The following OTUD7B variants were observed in gnomAD, a reference collection of about 807,000 sequenced individuals.
OTUD7B encodes OTU deubiquitinase 7B.
OTUD7B carries 34 observed loss-of-function variants against 82.2 expected under a neutral mutation model. The observed-to-expected ratio is 0.41, with a 90% CI of 0.31 to 0.55. OTUD7B has a LOEUF of 0.55. Ranked by LOEUF, OTUD7B falls within the 20% of genes least tolerant of loss-of-function variation. The pLI is 0.20. For missense variants in OTUD7B, 944 were observed against 1,062.1 expected, an observed-to-expected ratio of 0.89 and a Z score of 1.55; for synonymous variants, 398 against 402.7, an observed-to-expected ratio of 0.99 and a Z score of 0.14.
the OTUD7B span, among the ~76,000 whole-genome samples, chr1:150,037,218 A>C: frequency 6.0e-5 from 9 of 150,076 alleles, no homozygotes; most frequent in East Asian, 1.2e-3. Context: ...GAGAGATCAC[A>C]AAATGTTCAA....
the OTUD7B span, among the ~76,000 whole-genome samples, chr1:150,062,708 C>CTTTTTT: frequency 4.0e-3 from 388 of 95,964 alleles, 2 homozygotes; most frequent in Non-Finnish European, 5.0e-3. Flanking sequence ...CTTCTTCTTT[C>CTTTTTT]TTTTTTTTTT....
intron 7 of OTUD7B, among the ~76,000 whole-genome samples, chr1:149,957,907 T>TAGGCAGTATTAGG (rs1205379571): frequency 4.6e-5 from 7 of 152,228 alleles, no homozygotes; most frequent in African/African-American, 7.2e-5. Context: ...AGGGTGGGAA[T>TAGGCAGTATTAGG]GTCCCGATTT....
At chr1:150,056,232 C>G in the OTUD7B span, among the ~76,000 whole-genome samples, 1 of 151,986 alleles carries the variant, frequency 6.6e-6, no homozygotes, top group Non-Finnish European at 1.5e-5. Flanking sequence ...TATCTAACAC[C>G]AAGAGCAGCC....
chr1:150,000,502 C>A (rs938608314), intron 1 of OTUD7B, among the ~76,000 whole-genome samples: 4 of 149,986 alleles, frequency 2.7e-5, no homozygotes, highest in African/African-American at 4.9e-5. Context: ...AACAAACAAA[C>A]AAAAAAACAG....
intron 7 of OTUD7B, among the ~76,000 whole-genome samples, chr1:149,957,029 T>C (rs1485758374): frequency 6.6e-6 from 1 of 152,232 alleles, no homozygotes; most frequent in South Asian, 2.1e-4. Flanking sequence ...TGAAGCCTTC[T>C]TCTCTCAACT....
Position 149,944,770 on chromosome 1 carries a change from C to G in OTUD7B, c.1619G>C (p.Gly540Ala). The G allele has an allele frequency of 6.2e-7, 1 of 1,614,140 alleles. No homozygotes were observed. Among genetic ancestry groups the G allele is most frequent in the Non-Finnish European group, 8.5e-7 (1 of 1,180,042 alleles). Residue 540 changes from glycine (G) to alanine (A), a missense_variant, in exon 12 of 12, where the codon GGA (glycine) becomes GCA (alanine). By Grantham distance (60) the Gly-to-Ala change is moderately conservative (BLOSUM62 0). This residue lies in a region of OTUD7B where 412 missense variants were observed against 418.7 expected (regional missense o/e 0.98). Coordinates refer to ENST00000581312, the MANE Select transcript of OTUD7B (RefSeq NM_020205.4). ...SKPGGVGTGL[G>A]GSSGTETLEK... Reference sequence around the variant, plus strand: ...CAGTGTCTCAGTGCCGCTGCTTCCTCCCAACCCTGTCCCCACCCCTCCAGG... The same window carrying G: ...CAGTGTCTCAGTGCCGCTGCTTCCTGCCAACCCTGTCCCCACCCCTCCAGG...
At chr1:150,063,484 G>T in the OTUD7B span, among the ~76,000 whole-genome samples, 23 of 152,262 alleles carry the variant, frequency 1.5e-4, no homozygotes, top group Admixed American at 5.2e-4. Context: ...CTGTGGAGTG[G>T]TTGCAATACA....
At chr1:149,970,189 G>C (rs1412090095) in intron 3 of OTUD7B, among the ~76,000 whole-genome samples, 1 of 146,816 alleles carries the variant, frequency 6.8e-6, no homozygotes, top group Non-Finnish European at 1.5e-5. Flanking sequence ...CAGCACTTTG[G>C]GGGGCCAAGT....
Position 149,945,020 on chromosome 1 carries a change from C to T in OTUD7B, c.1369G>A (p.Glu457Lys). ...PESPTASAGD[E>K]PRSTPESGDS... ...CCAGACTCAGGAGTGGACCGGGGCT[C>T]ATCTCCAGCTGAGGCGGTGGGGGAC... Residue 457 changes from glutamate to lysine, a missense_variant, in exon 12 of 12, where the codon GAG becomes AAG. Coordinates refer to ENST00000581312, the MANE Select transcript of OTUD7B (RefSeq NM_020205.4). 6.2e-7 allele frequency: 1 copy of T among 1,614,152 alleles called. No individual in the cohort carries two copies. Among genetic ancestry groups the T allele is most frequent in the Non-Finnish European group, 8.5e-7 (1 of 1,180,036 alleles).
the OTUD7B span, among the ~76,000 whole-genome samples, chr1:150,023,364 A>G: frequency 6.6e-6 from 1 of 152,244 alleles, no homozygotes; most frequent in Non-Finnish European, 1.5e-5. Context: ...CATTATTCAC[A>G]ATAGCCAAGA....
intron 7 of OTUD7B, among the ~76,000 whole-genome samples, chr1:149,951,150 T>C (rs1648215486): frequency 6.6e-6 from 1 of 151,840 alleles, no homozygotes; most frequent in Non-Finnish European, 1.5e-5. Context: ...GCCTGGCTAA[T>C]TTTTTTGTAT....
chr1:150,014,035 CGT>C (rs1162802612), upstream of OTUD7B, among the ~76,000 whole-genome samples: 7 of 102,528 alleles, frequency 6.8e-5, no homozygotes, highest in East Asian at 1.8e-3. Context: ...CGTATATATA[CGT>C]ATATATGTGT....
At chr1:150,061,215 A>G in the OTUD7B span, among the ~76,000 whole-genome samples, 2 of 152,076 alleles carry the variant, frequency 1.3e-5, no homozygotes, top group African/African-American at 4.8e-5. Context: ...TCATACACCT[A>G]TCTATAGGTT....
the OTUD7B span, among the ~76,000 whole-genome samples, chr1:150,032,696 G>A: frequency 3.7e-5 from 3 of 80,008 alleles, no homozygotes; most frequent in Non-Finnish European, 1.0e-4. Context: ...GAAGAAGAAG[G>A]AGGAGGAGGA....
At chr1:150,008,589 T>A (rs782342017) in intron 1 of OTUD7B, among the ~76,000 whole-genome samples, 17 of 152,202 alleles carry the variant, frequency 1.1e-4, no homozygotes, top group Non-Finnish European at 1.3e-4. Flanking sequence ...TCTTCAGTAT[T>A]AAAAGCAAGG....
intron 1 of OTUD7B, among the ~76,000 whole-genome samples, chr1:150,002,133 A>G (rs1652333100): frequency 6.6e-6 from 1 of 152,216 alleles, no homozygotes; most frequent in South Asian, 2.1e-4. Context: ...ATGTCCATCA[A>G]ATTTGGGATG....
At chr1:149,977,372 G>A (rs1280220186) in intron 2 of OTUD7B, 54 bp downstream of exon 2, 1 of 1,291,946 alleles carries the variant, frequency 7.7e-7, no homozygotes, top group Non-Finnish European at 1.1e-6. Context: ...TCATCCTAAT[G>A]ATAAATACCA....
intron 5 of OTUD7B, among the ~76,000 whole-genome samples, chr1:149,964,718 C>T (rs1025149378): frequency 3.3e-5 from 5 of 151,600 alleles, no homozygotes; most frequent in South Asian, 2.1e-4. Context: ...TTCAGCCTCC[C>T]GAGTAGCTAG....
intron 1 of OTUD7B, among the ~76,000 whole-genome samples, chr1:150,005,568 G>T (rs1652605013): frequency 6.6e-6 from 1 of 152,000 alleles, no homozygotes; most frequent in African/African-American, 2.4e-5. Flanking sequence ...GGCAGGGATG[G>T]AGAAAAGCAA....
Sources: allele counts gnomAD v4.1 joint callset (sites outside exome capture counted in the v4.1 genomes callset), GRCh38; gene constraint gnomAD v4.1.1; regional missense constraint gnomAD v4.1.1; transcripts MANE v1.5; gene names NCBI Gene and HGNC (gene_info 2026-07-23, HGNC 2026-07-21).